BPNT1: variants seen among roughly 807,000 people sequenced by gnomAD.
BPNT1 encodes the protein 3'(2'),5'-bisphosphate nucleotidase 1.
Under a neutral mutation model 36.9 loss-of-function variants are expected in BPNT1, and 28 were observed. That is an observed-to-expected ratio of 0.76 (90% CI 0.56 to 1.04). The LOEUF is 1.04. Ranked by LOEUF, BPNT1 falls within the 50% of genes least tolerant of loss-of-function variation. The pLI is 0.00. For missense variants in BPNT1, 313 were observed against 372.9 expected, an observed-to-expected ratio of 0.84 and a Z score of 1.32; for synonymous variants, 119 against 130.9, an observed-to-expected ratio of 0.91 and a Z score of 0.62.
At chr1:220,069,014 C>T (rs933310653) in intron 5 of BPNT1, among the ~76,000 whole-genome samples, 7 of 152,064 alleles carry the variant, frequency 4.6e-5, no homozygotes, top group Admixed American at 1.3e-4. Context: ...ATGGGGAGGG[C>T]ATGGGATGGT....
At chr1:220,071,014 G>A (rs1489112165) in intron 4 of BPNT1, among the ~76,000 whole-genome samples, 1 of 151,346 alleles carries the variant, frequency 6.6e-6, no homozygotes, top group Non-Finnish European at 1.5e-5. Context: ...GCACATGCCT[G>A]TAATCCCAGT....
At chr1:220,085,741 A>C (rs942288394) in intron 1 of BPNT1, among the ~76,000 whole-genome samples, 1 of 152,226 alleles carries the variant, frequency 6.6e-6, no homozygotes, top group Non-Finnish European at 1.5e-5. Flanking sequence ...GCTTTTCTTC[A>C]TAACATTCTG....
chr1:220,086,325 C>T (rs1234395353), intron 1 of BPNT1, among the ~76,000 whole-genome samples: 2 of 152,090 alleles, frequency 1.3e-5, no homozygotes, highest in African/African-American at 4.8e-5. Flanking sequence ...GGCTAAAGTG[C>T]GGTGGCCTGA....
rs1662700772 is a variant in BPNT1 at position 220,058,224 on chromosome 1, AC to A, written c.*619del. 1 of 993,974 alleles carries A rather than the reference AC, an allele frequency of 1.0e-6. No individual in the cohort carries two copies. Among genetic ancestry groups the A allele is most frequent in the Non-Finnish European group, 1.2e-6 (1 of 834,444 alleles). 61.6% of individuals were successfully genotyped at this position (993,974 alleles called of 1,614,324 possible). ...TTTAGAAGATAGGAATGTTCATTGA[AC>A]ATTGACCTGAACTGTCAATTGGAAC... On this transcript the variant is annotated 3_prime_UTR_variant, in exon 9 of 9. Transcript: ENST00000322067.
At chr1:220,077,248 C>G (rs1664633508) in intron 2 of BPNT1, among the ~76,000 whole-genome samples, 1 of 152,000 alleles carries the variant, frequency 6.6e-6, no homozygotes, top group African/African-American at 2.4e-5. Context: ...CTAAAAATAA[C>G]TTGAATATTT....
At chr1:220,075,070 GTCTCAC>G (rs1664421108) in intron 2 of BPNT1, among the ~76,000 whole-genome samples, 2 of 152,268 alleles carry the variant, frequency 1.3e-5, no homozygotes, top group Non-Finnish European at 2.9e-5. Context: ...TTGAGACGGA[GTCTCAC>G]TCTGTCGCCT....
chr1:220,089,184 G>T (rs1285851709), intron 1 of BPNT1, among the ~76,000 whole-genome samples: 1 of 149,384 alleles, frequency 6.7e-6, no homozygotes, highest in African/African-American at 2.4e-5. Context: ...AGAAGAGTTT[G>T]TCCTTTGTCC....
chr1:220,064,903 G>T (rs1663398837), intron 6 of BPNT1, among the ~76,000 whole-genome samples: 1 of 152,184 alleles, frequency 6.6e-6, no homozygotes, highest in Non-Finnish European at 1.5e-5. Context: ...TGCCTCCTGG[G>T]TTCAAGCAAT....
At chr1:220,085,211 G>A (rs983787363) in intron 1 of BPNT1, among the ~76,000 whole-genome samples, 1 of 152,162 alleles carries the variant, frequency 6.6e-6, no homozygotes, top group Non-Finnish European at 1.5e-5. Flanking sequence ...GGTAGATTAA[G>A]AGCAAGGCCC....
intron 5 of BPNT1, among the ~76,000 whole-genome samples, chr1:220,067,835 C>A (rs893878485): frequency 6.6e-6 from 1 of 152,168 alleles, no homozygotes; most frequent in Admixed American, 6.6e-5. Context: ...AACTGATGTA[C>A]TTTTTATAAT....
intron 1 of BPNT1, among the ~76,000 whole-genome samples, chr1:220,088,647 T>G (rs1285955749): frequency 6.6e-6 from 1 of 151,320 alleles, no homozygotes; most frequent in Non-Finnish European, 1.5e-5. Context: ...AAAAATTAGA[T>G]GGTGTGGTGG....
rs1185270675 is a variant in BPNT1, at chr1:220,081,003, C to T, written c.-8-1149G>A. 3.3e-5 allele frequency among the ~76,000 whole-genome samples: 5 copies of T among 152,160 alleles called. No homozygotes were observed. In the South Asian group the frequency reaches 6.2e-4, roughly 19 times the overall value. ...TTTTTGAGACGGAGTCTCGCTCTGT[C>T]GCCCAGGATGGATTGCAGTGGCGCC... On this transcript the variant is annotated intron_variant, in intron 1 of 8. Coordinates refer to ENST00000322067, the MANE Select transcript of BPNT1 (RefSeq NM_006085.6).
intron 1 of BPNT1, among the ~76,000 whole-genome samples, chr1:220,087,955 G>A (rs9431224): frequency 0.33 from 50,547 of 151,650 alleles, 9,570 homozygotes; most frequent in African/African-American, 0.52. Flanking sequence ...TTGGCTCACC[G>A]CAACCTCTGC....
At chr1:220,078,829 C>G (rs956354398) in intron 2 of BPNT1, among the ~76,000 whole-genome samples, 1 of 152,070 alleles carries the variant, frequency 6.6e-6, no homozygotes, top group South Asian at 2.1e-4. Flanking sequence ...AACTCCTGAC[C>G]TCGTGATCTG....
In BPNT1 at chr1:220,058,342, T is replaced by C. The variant is rs1662708450; in HGVS notation, c.*502A>G. ...TCTCCAGACGTCAAAATTGGTCTGGTTGATTAATCAAGTTAAATTATTTAA... is the reference window on the plus strand; with the variant it reads ...TCTCCAGACGTCAAAATTGGTCTGGCTGATTAATCAAGTTAAATTATTTAA... On this transcript the variant is annotated 3_prime_UTR_variant, in exon 9 of 9. Transcript: ENST00000322067. 1.0e-6 allele frequency: 1 copy of C among 986,370 alleles called. No homozygotes were observed. Among genetic ancestry groups the C allele is most frequent in the Admixed American group, 6.0e-5 (1 of 16,736 alleles). 61.1% of individuals were successfully genotyped at this position (986,370 alleles called of 1,614,324 possible).
chr1:220,085,008 T>G (rs902486721), intron 1 of BPNT1, among the ~76,000 whole-genome samples: 1 of 152,072 alleles, frequency 6.6e-6, no homozygotes, highest in African/African-American at 2.4e-5. Flanking sequence ...AATAGTACTA[T>G]GCCCTAGCCT....
At chr1:220,069,148 T>A (rs139844912) in intron 5 of BPNT1, among the ~76,000 whole-genome samples, 70 of 152,308 alleles carry the variant, frequency 4.6e-4, no homozygotes, top group African/African-American at 1.6e-3. Flanking sequence ...CTGGGAGACA[T>A]TAGAAGTGTG....
At chr1:220,087,493 T>G (rs1414904482) in intron 1 of BPNT1, among the ~76,000 whole-genome samples, 1 of 151,940 alleles carries the variant, frequency 6.6e-6, no homozygotes, top group Admixed American at 6.6e-5. Flanking sequence ...AGGTAGAAGT[T>G]GCAGTGAGCT....
At chr1:220,076,434 G>A (rs1175237844) in intron 2 of BPNT1, among the ~76,000 whole-genome samples, 2 of 149,756 alleles carry the variant, frequency 1.3e-5, no homozygotes, top group African/African-American at 2.5e-5. Flanking sequence ...CTGGGAGGCA[G>A]AGCTTGTAGT....
Sources: allele counts gnomAD v4.1 joint callset (sites outside exome capture counted in the v4.1 genomes callset), GRCh38; gene constraint gnomAD v4.1.1; transcripts MANE v1.5; gene names NCBI Gene and HGNC (gene_info 2026-07-23, HGNC 2026-07-21).